CUX2: variants seen among roughly 807,000 people sequenced by gnomAD.
CUX2 encodes the protein homeobox protein cut-like 2.
In CUX2, 40 loss-of-function variants were observed where a neutral mutation model predicts 144.8. That is an observed-to-expected ratio of 0.28 (90% CI 0.21 to 0.36). The LOEUF (loss-of-function observed/expected upper bound fraction) is 0.36, where lower values mean the gene tolerates loss of function less well. CUX2 is among the 10% of genes least tolerant of loss of function. The pLI is 1.00. For missense variants in CUX2, 1,615 were observed against 1,994.0 expected (o/e 0.81, Z 3.62); for synonymous variants, 827 against 875.6 (o/e 0.94, Z 0.98).
Position 111,295,402 on chromosome 12 carries a change from A to T in CUX2, c.630A>T (p.Leu210=), listed in dbSNP as rs1162847157. The T allele has an allele frequency of 6.2e-7, 1 of 1,612,102 alleles. No individual in the cohort carries two copies. Residue 210 remains leucine, a synonymous_variant, in exon 7 of 22, where the codon CTA becomes CTT. Coordinates refer to ENST00000261726, the MANE Select transcript of CUX2 (RefSeq NM_015267.4). The surrounding 1 kb of genome is among the most constrained non-coding windows in gnomAD (Gnocchi z 5.0). ...AGGCAGAGGAGAAAATCAAAGTCCT[A>T]CATTCAGGTATGTGTCGGCACCATG... ...LGEAEEKIKV[L]HSALKATQAE... is the part of the protein sequence containing the mutation.
At position 111,295,026 on chromosome 12, in the gene CUX2, G is replaced by T. The variant is rs76003083; in HGVS notation, c.561-307G>T. The stretch of plus-strand genomic sequence containing the variant: ...ATGCTTCACAGTACCCCCTGAGGCA[G>T]ACCCTATCAGAAACCTCATTTTAAA... On this transcript the variant is annotated intron_variant, in intron 6 of 21. Transcript: ENST00000261726. This position sits in a 1 kb window ranked among gnomAD's most constrained non-coding sequence, Gnocchi z 5.0. Among the ~76,000 whole-genome samples, 2,247 of 152,256 alleles carry T rather than the reference G, an allele frequency of 0.015. 59 individuals carry two copies. The highest frequency in any genetic ancestry group is 0.052 in the African/African-American group (2,174 of 41,548).
chr12:111,211,535 C>A (rs903982020), intron 1 of CUX2, among the ~76,000 whole-genome samples: 10 of 152,160 alleles, frequency 6.6e-5, no homozygotes, highest in African/African-American at 2.2e-4. Context: ...TCACCCCCAC[C>A]AGGTATATTG....
intron 1 of CUX2, among the ~76,000 whole-genome samples, chr12:111,125,340 A>G (rs1442766987): frequency 1.3e-5 from 2 of 152,042 alleles, no homozygotes. Flanking sequence ...CCACCGCACC[A>G]GGCTAATTTT....
In CUX2 at chr12:111,303,927, G is replaced by C. The variant is rs568597895; in HGVS notation, c.754-283G>C. ...GAGCAGGAATGTTCTGACTCCTCTG[G>C]GGGTCCCAGGCACCCCACGAGAACC... On this transcript the variant is annotated intron_variant, in intron 9 of 21. Coordinates refer to ENST00000261726, the MANE Select transcript of CUX2 (RefSeq NM_015267.4). 5.9e-5 allele frequency among the ~76,000 whole-genome samples: 9 copies of C among 152,252 alleles called. 1 individual carries two copies. The South Asian group carries it at 1.7e-3, about 28-fold the overall frequency.
At position 111,178,138 on chromosome 12, in the gene CUX2, TAGA is replaced by T. The variant is rs1379931943; in HGVS notation, c.64-36055_64-36053del. On this transcript the variant is annotated intron_variant, in intron 1 of 21. Transcript: ENST00000261726. The surrounding 1 kb of genome is among the most constrained non-coding windows in gnomAD (Gnocchi z 5.7). ...TTTTCTGCAAAGGTCTGTCTGTGTC[TAGA>T]AGAAGAGATTCCAAGATGATCTATT... is the stretch of plus-strand genomic sequence containing the variant. Among the ~76,000 whole-genome samples, 4 of 152,344 alleles carry T rather than the reference TAGA, an allele frequency of 2.6e-5. No homozygotes were observed. The South Asian group carries it at 6.2e-4, about 24-fold the overall frequency.
intron 1 of CUX2, among the ~76,000 whole-genome samples, chr12:111,055,673 C>T (rs541033119): frequency 6.6e-6 from 1 of 152,228 alleles, no homozygotes; most frequent in East Asian, 1.9e-4. Flanking sequence ...GGCAGCCCCC[C>T]TTCCCCCAGC....
At chr12:111,275,038 C>T (rs1397173775) in intron 4 of CUX2, among the ~76,000 whole-genome samples, 3 of 152,098 alleles carry the variant, frequency 2.0e-5, no homozygotes, top group Admixed American at 6.5e-5. Flanking sequence ...GTACCCACCT[C>T]CCTGACAGTG....
chr12:111,329,984 G>A (rs949784635), intron 18 of CUX2, among the ~76,000 whole-genome samples: 6 of 149,992 alleles, frequency 4.0e-5, no homozygotes, highest in African/African-American at 7.6e-5. Context: ...TCCTGCTGCC[G>A]ACAGTGGGCA....
intron 3 of CUX2, among the ~76,000 whole-genome samples, chr12:111,261,189 C>T (rs1400451444): frequency 6.6e-6 from 1 of 152,160 alleles, no homozygotes; most frequent in Non-Finnish European, 1.5e-5. Flanking sequence ...ATTTGCTAAC[C>T]GGGTGACCTT....
chr12:111,054,384 C>T (rs1870425116), intron 1 of CUX2, among the ~76,000 whole-genome samples: 2 of 152,196 alleles, frequency 1.3e-5, no homozygotes, highest in South Asian at 4.1e-4. Context: ...GCTGTGCCAA[C>T]TTTGTGACTG....
intron 3 of CUX2, among the ~76,000 whole-genome samples, chr12:111,247,381 T>C (rs1380317435): frequency 1.3e-5 from 2 of 152,212 alleles, no homozygotes; most frequent in African/African-American, 4.8e-5. Flanking sequence ...TTCAGTGACA[T>C]TTGGGCAGCC....
intron 3 of CUX2, among the ~76,000 whole-genome samples, chr12:111,257,002 T>G (rs1883850431): frequency 1.3e-5 from 2 of 152,146 alleles, no homozygotes; most frequent in African/African-American, 4.8e-5. Flanking sequence ...AAGAGCTATG[T>G]GGCTAGAACA....
intron 1 of CUX2, among the ~76,000 whole-genome samples, chr12:111,176,410 C>T (rs908509113): frequency 6.6e-6 from 1 of 152,120 alleles, no homozygotes; most frequent in Non-Finnish European, 1.5e-5. Context: ...CCTGACTTCC[C>T]TACCTGCCAT....
intron 8 of CUX2, 45 bp from the exon 9 acceptor site, chr12:111,298,496 A>G (rs1032433105): frequency 6.5e-7 from 1 of 1,546,904 alleles, no homozygotes; most frequent in Non-Finnish European, 8.7e-7. Context: ...GGGGGCCTGG[A>G]GCCCGCCGGA....
Position 111,293,213 on chromosome 12 carries a change from C to T in CUX2, c.437-233C>T, listed in dbSNP as rs971100917. Among the ~76,000 whole-genome samples the T allele has an allele frequency of 3.9e-5, 6 of 152,176 alleles. No individual in the cohort carries two copies. Among genetic ancestry groups the T allele is most frequent in the African/African-American group, 1.4e-4 (6 of 41,446 alleles). On this transcript the variant is annotated intron_variant, in intron 5 of 21. Coordinates refer to ENST00000261726, the MANE Select transcript of CUX2 (RefSeq NM_015267.4). This position sits in a 1 kb window ranked among gnomAD's most constrained non-coding sequence, Gnocchi z 4.5. ...TTTAAAAGTATAATAAAGCAGGCCGCGGAGGCATGAGCAGGCAAAAGAAGG... is the reference window on the plus strand; with the variant it reads ...TTTAAAAGTATAATAAAGCAGGCCGTGGAGGCATGAGCAGGCAAAAGAAGG...
intron 1 of CUX2, among the ~76,000 whole-genome samples, chr12:111,041,522 C>A (rs1166700866): frequency 6.6e-6 from 1 of 152,104 alleles, no homozygotes; most frequent in Non-Finnish European, 1.5e-5. Context: ...TATGTCTGGC[C>A]CATGGATGTG....
At chr12:111,276,801 C>T (rs1884899736) in intron 4 of CUX2, among the ~76,000 whole-genome samples, 1 of 152,158 alleles carries the variant, frequency 6.6e-6, no homozygotes, top group Admixed American at 6.5e-5. Context: ...GCGCGAGCCA[C>T]CATGCCCGGC....
chr12:111,259,745 T>C (rs1434453663), intron 3 of CUX2, among the ~76,000 whole-genome samples: 1 of 148,136 alleles, frequency 6.8e-6, no homozygotes, highest in Non-Finnish European at 1.5e-5. Flanking sequence ...CATCTGTAAT[T>C]GCAGCTACTC....
chr12:111,145,833 T>G (rs1354404147), intron 1 of CUX2, among the ~76,000 whole-genome samples: 1 of 151,662 alleles, frequency 6.6e-6, no homozygotes, highest in Non-Finnish European at 1.5e-5. Context: ...CACCCAGCTT[T>G]TTTGTTTGTT....
Sources: allele counts gnomAD v4.1 joint callset (sites outside exome capture counted in the v4.1 genomes callset), GRCh38; gene constraint gnomAD v4.1.1; non-coding constraint Gnocchi (gnomAD v3.1); transcripts MANE v1.5; gene names NCBI Gene and HGNC (gene_info 2026-07-23, HGNC 2026-07-21).